DCAF6: variants seen among roughly 807,000 people sequenced by gnomAD.
DCAF6 encodes DDB1- and CUL4-associated factor 6.
In DCAF6, 54 loss-of-function variants were observed where a neutral mutation model predicts 125.1. That is an observed-to-expected ratio of 0.43 (90% CI 0.35 to 0.54). The LOEUF (loss-of-function observed/expected upper bound fraction) is 0.54. Ranked by LOEUF, DCAF6 falls within the 20% of genes least tolerant of loss-of-function variation. The probability of loss-of-function intolerance (pLI) is 0.01; values close to 1 mark genes in which losing one functional copy is unlikely to be tolerated. For missense variants in DCAF6, 934 were observed against 1,161.7 expected (o/e 0.80, Z 2.85); for synonymous variants, 371 against 390.4 (o/e 0.95, Z 0.58).
At chr1:167,950,942 T>C (rs1045871078) in intron 1 of DCAF6, among the ~76,000 whole-genome samples, 1 of 152,244 alleles carries the variant, frequency 6.6e-6, no homozygotes, top group African/African-American at 2.4e-5. Flanking sequence ...TTAACGTTTC[T>C]GAAATTGAGA....
intron 2 of DCAF6, among the ~76,000 whole-genome samples, chr1:167,964,029 A>G (rs1210714701): frequency 6.6e-6 from 1 of 152,250 alleles, no homozygotes; most frequent in Non-Finnish European, 1.5e-5. Context: ...AGCATAGATG[A>G]TCAAATACAT....
chr1:168,003,057 T>C (rs906366528), intron 8 of DCAF6, among the ~76,000 whole-genome samples: 2 of 152,138 alleles, frequency 1.3e-5, no homozygotes, highest in South Asian at 4.1e-4. Context: ...TTCTATATTA[T>C]TATGTTTTAT....
At chr1:167,919,112 G>A in the DCAF6 span, among the ~76,000 whole-genome samples, 1 of 152,130 alleles carries the variant, frequency 6.6e-6, no homozygotes, top group South Asian at 2.1e-4. Flanking sequence ...ATATACTAAA[G>A]TAATCACTAA....
At chr1:168,017,577 C>CT (rs1452193966) in intron 11 of DCAF6, among the ~76,000 whole-genome samples, 1 of 151,798 alleles carries the variant, frequency 6.6e-6, no homozygotes, top group Non-Finnish European at 1.5e-5. Flanking sequence ...CTTTCCAACT[C>CT]TTAAGTGTTT....
chr1:167,948,219 T>C (rs1174133768), intron 1 of DCAF6, among the ~76,000 whole-genome samples: 2 of 152,080 alleles, frequency 1.3e-5, no homozygotes, highest in Non-Finnish European at 2.9e-5. Flanking sequence ...TCAGACAGTC[T>C]GATTATAATG....
At chr1:167,875,113 T>A in the DCAF6 span, 6 of 1,611,878 alleles carry the variant, frequency 3.7e-6, no homozygotes, top group Non-Finnish European at 4.2e-6. Context: ...AAGTTTAAAA[T>A]CAAGGCCTAC....
the DCAF6 span, among the ~76,000 whole-genome samples, chr1:167,913,275 C>T: frequency 6.6e-6 from 1 of 152,074 alleles, no homozygotes; most frequent in Admixed American, 6.6e-5. Flanking sequence ...TCAGTAGTAC[C>T]CAAAAATGAA....
chr1:168,069,520 A>G (rs1692773009), intron 21 of DCAF6, among the ~76,000 whole-genome samples: 1 of 152,202 alleles, frequency 6.6e-6, no homozygotes, highest in Non-Finnish European at 1.5e-5. Context: ...GCAGTGAATT[A>G]AATATCACTT....
chr1:168,072,216 G>A (rs990320023), intron 21 of DCAF6, among the ~76,000 whole-genome samples: 4 of 137,868 alleles, frequency 2.9e-5, no homozygotes, highest in Non-Finnish European at 4.6e-5. Flanking sequence ...AGAATCGCCT[G>A]AACCCAGGAG....
chr1:168,052,305 A>T (rs571773763), intron 17 of DCAF6, among the ~76,000 whole-genome samples: 1 of 152,200 alleles, frequency 6.6e-6, no homozygotes, highest in Non-Finnish European at 1.5e-5. Context: ...TTTATAATGA[A>T]AATTGCAACT....
the DCAF6 span, chr1:167,880,016 G>T: frequency 2.0e-6 from 2 of 989,558 alleles, no homozygotes; most frequent in Non-Finnish European, 3.1e-6. Context: ...TGAGGGCAGG[G>T]CTCATGTCTC....
the DCAF6 span, among the ~76,000 whole-genome samples, chr1:167,910,776 A>T: frequency 6.6e-6 from 1 of 152,206 alleles, no homozygotes; most frequent in Non-Finnish European, 1.5e-5. Context: ...AGAACTGAGC[A>T]GGGCGTAGCT....
intron 4 of DCAF6, among the ~76,000 whole-genome samples, chr1:167,987,137 A>G (rs925858914): frequency 1.3e-5 from 2 of 152,202 alleles, no homozygotes; most frequent in Non-Finnish European, 1.5e-5. Context: ...TTGTACAATT[A>G]TAAACTCACA....
chr1:167,873,925 T>C, the DCAF6 span, among the ~76,000 whole-genome samples: 1 of 152,192 alleles, frequency 6.6e-6, no homozygotes, highest in African/African-American at 2.4e-5. Flanking sequence ...AAAAGTGATA[T>C]ACAGTAGAAA....
chr1:168,024,718 C>T (rs571863174), intron 12 of DCAF6, among the ~76,000 whole-genome samples: 1 of 151,062 alleles, frequency 6.6e-6, no homozygotes, highest in South Asian at 2.1e-4. Flanking sequence ...GGAGGAGAAT[C>T]GCTTGAACCT....
At chr1:168,067,343 A>C (rs1237981688) in intron 20 of DCAF6, among the ~76,000 whole-genome samples, 11 of 152,194 alleles carry the variant, frequency 7.2e-5, no homozygotes, top group Non-Finnish European at 1.5e-4. Context: ...AAACAGCTAG[A>C]ACATACTGTA....
intron 2 of DCAF6, among the ~76,000 whole-genome samples, chr1:167,959,195 C>T (rs762788277): frequency 2.0e-4 from 30 of 152,178 alleles, no homozygotes; most frequent in Non-Finnish European, 3.4e-4. Flanking sequence ...TTTCCTCTAT[C>T]TTTTCATAGC....
chr1:167,863,618 G>A, the DCAF6 span, among the ~76,000 whole-genome samples: 1 of 152,166 alleles, frequency 6.6e-6, no homozygotes, highest in Non-Finnish European at 1.5e-5. Context: ...ACAGATGGTC[G>A]AGGCAGCTCC....
upstream of DCAF6, among the ~76,000 whole-genome samples, chr1:167,933,227 GCA>G (rs1670962793): frequency 6.6e-6 from 1 of 150,834 alleles, no homozygotes; most frequent in Admixed American, 6.6e-5. Flanking sequence ...GAGTGCAATG[GCA>G]CGATCTTGGC....
Sources: gnomAD v4.1 joint callset for allele counts (sites outside exome capture counted in the v4.1 genomes callset) on GRCh38, gnomAD v4.1.1 for gene constraint, MANE v1.5 for transcripts, NCBI Gene and HGNC (gene_info 2026-07-23, HGNC 2026-07-21) for gene names.